Variants in DCDC2 observed in about 807,000 individuals in gnomAD.
The protein encoded by DCDC2 is doublecortin domain containing 2, also known as doublecortin domain-containing protein 2.
DCDC2 carries 40 observed loss-of-function variants against 50.2 expected under a neutral mutation model. The observed-to-expected ratio is 0.80, with a 90% CI of 0.62 to 1.04. DCDC2 has a LOEUF of 1.04. Among genes scored for constraint, DCDC2 ranks in the 50% least tolerant of loss-of-function variants. The pLI is 0.00. For missense variants in DCDC2, 570 were observed against 581.9 expected (o/e 0.98, Z 0.21); for synonymous variants, 234 against 210.6 (o/e 1.11, Z -0.96).
chr6:24,319,382 C>T (rs995674516), intron 2 of DCDC2, among the ~76,000 whole-genome samples: 11 of 151,842 alleles, frequency 7.2e-5, no homozygotes, highest in African/African-American at 2.4e-4. Flanking sequence ...TTCTCCCATT[C>T]TGCAGGGTGT....
intron 7 of DCDC2, among the ~76,000 whole-genome samples, chr6:24,271,305 A>C (rs964488521): frequency 2.6e-5 from 4 of 152,026 alleles, no homozygotes; most frequent in African/African-American, 4.8e-5. Flanking sequence ...CAGAATTAAG[A>C]AAAGGCTGTG....
At chr6:24,337,177 T>G (rs1403184699) in intron 2 of DCDC2, among the ~76,000 whole-genome samples, 4 of 152,122 alleles carry the variant, frequency 2.6e-5, no homozygotes, top group African/African-American at 9.7e-5. Context: ...AGTAAAAACT[T>G]TTTAAAAATG....
intron 7 of DCDC2, among the ~76,000 whole-genome samples, chr6:24,216,926 T>C (rs1431492284): frequency 1.3e-5 from 2 of 152,166 alleles, no homozygotes; most frequent in South Asian, 2.1e-4. Context: ...AGTTACAACA[T>C]AGAAATCCAT....
In DCDC2 at chr6:24,174,333, C is replaced by T. The variant is rs2113734812; in HGVS notation, c.*397G>A. 6.5e-6 allele frequency: 1 copy of T among 154,462 alleles called. No homozygotes were observed. Among genetic ancestry groups the T allele is most frequent in the African/African-American group, 2.4e-5 (1 of 41,618 alleles). 9.6% of individuals were successfully genotyped at this position (154,462 alleles called of 1,614,324 possible). Reference sequence around the variant, plus strand: ...TATTGCTTTAAGAAAATAGTACATGCTTTCCTATTACCAGTTCTTTAAAAT... The same window carrying T: ...TATTGCTTTAAGAAAATAGTACATGTTTTCCTATTACCAGTTCTTTAAAAT... On this transcript the variant is annotated 3_prime_UTR_variant, in exon 10 of 10. Coordinates refer to ENST00000378454, the MANE Select transcript of DCDC2 (RefSeq NM_016356.5).
chr6:24,323,714 A>AT (rs1398718185), intron 2 of DCDC2, among the ~76,000 whole-genome samples: 1 of 152,090 alleles, frequency 6.6e-6, no homozygotes, highest in Non-Finnish European at 1.5e-5. Context: ...TTACAGTGTG[A>AT]TAAAAACTAC....
the DCDC2 span, among the ~76,000 whole-genome samples, chr6:24,369,650 T>A: frequency 6.6e-6 from 1 of 151,166 alleles, no homozygotes; most frequent in Non-Finnish European, 1.5e-5. Flanking sequence ...GCCAAACTGA[T>A]AGATCAGGGA....
intron 8 of DCDC2, among the ~76,000 whole-genome samples, chr6:24,201,834 A>G (rs1169440513): frequency 6.6e-6 from 1 of 152,226 alleles, no homozygotes; most frequent in Non-Finnish European, 1.5e-5. Context: ...CAGAAATACA[A>G]ATTACCATCA....
At position 24,301,762 on chromosome 6, in the gene DCDC2, T is replaced by C. The variant is rs747612578; in HGVS notation, c.510A>G (p.Leu170=). ...RKTLNQWDHV[L]QMVTEKITLR... ...GAGTGATTTTTTCTGTGACCATTTG[T>C]AGTACATGATCCCACTGATTCAAGG... Residue 170 remains leucine, a synonymous_variant, in exon 4 of 10, where the codon CTA becomes CTG. Transcript: ENST00000378454. 2.5e-6 allele frequency: 4 copies of C among 1,614,012 alleles called. No individual in the cohort carries two copies. In the Admixed American group the frequency reaches 5.0e-5, roughly 20 times the overall value.
intron 8 of DCDC2, among the ~76,000 whole-genome samples, chr6:24,203,466 A>G (rs1440511691): frequency 6.6e-6 from 1 of 152,228 alleles, no homozygotes; most frequent in Non-Finnish European, 1.5e-5. Context: ...CCTTTCTTAC[A>G]TCTTATAGAA....
intron 7 of DCDC2, among the ~76,000 whole-genome samples, chr6:24,219,827 CCAAG>C (rs1416497487): frequency 2.0e-5 from 3 of 152,132 alleles, no homozygotes; most frequent in African/African-American, 7.2e-5. Flanking sequence ...TTTGTGGTTA[CCAAG>C]CAAGCGTGTT....
rs566022142 is a variant in DCDC2 at position 24,348,000 on chromosome 6, G to A, written c.348+5569C>T. ...TCCCAGTCTTCAGCGTGGTGGGTAC[G>A]ATACAGGATTAGCAGACCTCCTAGA... On this transcript the variant is annotated intron_variant, in intron 2 of 9. Transcript: ENST00000378454. Among the ~76,000 whole-genome samples the A allele has an allele frequency of 7.2e-5, 11 of 152,280 alleles. No homozygotes were observed. In the South Asian group the frequency reaches 1.2e-3, roughly 17 times the overall value.
At chr6:24,236,181 C>A (rs1762436887) in intron 7 of DCDC2, among the ~76,000 whole-genome samples, 1 of 152,150 alleles carries the variant, frequency 6.6e-6, no homozygotes, top group African/African-American at 2.4e-5. Context: ...TACTACCTGA[C>A]TTCAAACTAT....
chr6:24,364,255 T>A, the DCDC2 span, among the ~76,000 whole-genome samples: 59 of 152,310 alleles, frequency 3.9e-4, no homozygotes, highest in East Asian at 9.8e-3. Context: ...TAAGTATAAA[T>A]TTTTAAATGT....
intron 7 of DCDC2, among the ~76,000 whole-genome samples, chr6:24,228,008 G>C (rs142564704): frequency 6.6e-6 from 1 of 152,330 alleles, no homozygotes; most frequent in East Asian, 1.9e-4. Context: ...CTCTTCTGCA[G>C]TTTGTGCAAA....
intron 7 of DCDC2, among the ~76,000 whole-genome samples, chr6:24,255,514 A>G (rs1265966241): frequency 1.3e-5 from 2 of 152,166 alleles, no homozygotes; most frequent in Non-Finnish European, 2.9e-5. Flanking sequence ...ATGACAAGCC[A>G]CAGAATGGAA....
chr6:24,193,472 A>G (rs944223345), intron 8 of DCDC2, among the ~76,000 whole-genome samples: 11 of 152,192 alleles, frequency 7.2e-5, no homozygotes, highest in Non-Finnish European at 1.5e-4. Context: ...GTATCACTGA[A>G]TGTATGTGAA....
chr6:24,267,888 A>G (rs1763158057), intron 7 of DCDC2, among the ~76,000 whole-genome samples: 1 of 152,176 alleles, frequency 6.6e-6, no homozygotes, highest in Non-Finnish European at 1.5e-5. Flanking sequence ...TCAGAATCAC[A>G]CAAAAAGATG....
At chr6:24,253,826 G>C (rs540685313) in intron 7 of DCDC2, among the ~76,000 whole-genome samples, 8 of 152,148 alleles carry the variant, frequency 5.3e-5, no homozygotes, top group Non-Finnish European at 8.8e-5. Context: ...GGACATTACT[G>C]TAGACTTTAT....
In DCDC2 at chr6:24,195,059, G is replaced by A. The variant is rs575774332; in HGVS notation, c.1023+9943C>T. 1.8e-4 allele frequency among the ~76,000 whole-genome samples: 28 copies of A among 152,220 alleles called. No homozygotes were observed. In the South Asian group the frequency reaches 4.6e-3, roughly 25 times the overall value. On this transcript the variant is annotated intron_variant, in intron 8 of 9. Transcript: ENST00000378454. The stretch of plus-strand genomic sequence containing the variant: ...GTAACATACACATGCAAATACCCCT[G>A]TATGTGCACACACAAACATGCATGC...
Sources: gnomAD v4.1 joint callset for allele counts (sites outside exome capture counted in the v4.1 genomes callset) on GRCh38, gnomAD v4.1.1 for gene constraint, MANE v1.5 for transcripts, NCBI Gene and HGNC (gene_info 2026-07-23, HGNC 2026-07-21) for gene names.